CELF1: variants seen among roughly 807,000 people sequenced by gnomAD.
CELF1 encodes CUGBP Elav-like family member 1.
CELF1 carries 10 observed loss-of-function variants against 61.8 expected under a neutral mutation model. The observed-to-expected ratio is 0.16, with a 90% CI of 0.10 to 0.27. The LOEUF (loss-of-function observed/expected upper bound fraction) is 0.27. Ranked by LOEUF, CELF1 falls within the 10% of genes least tolerant of loss-of-function variation. The probability of loss-of-function intolerance (pLI) is 1.00; values close to 1 mark genes in which losing one functional copy is unlikely to be tolerated. For synonymous variants in CELF1, 236 were observed against 225.1 expected (o/e 1.05, Z -0.43); for missense variants, 380 against 639.1 (o/e 0.59, Z 4.37).
Position 47,489,021 on chromosome 11 carries a change from T to C in CELF1, c.75A>G (p.Ser25=), listed in dbSNP as rs1267094641. 5 of 1,574,146 alleles carry C rather than the reference T, an allele frequency of 3.2e-6. No homozygotes were observed. Among genetic ancestry groups the C allele is most frequent in the Non-Finnish European group, 4.3e-6 (5 of 1,166,614 alleles). ...GGTCCAGGGTGCCGTTCATTTTCTT[T>C]GAGCTGTGTGAGATAAAATGAAACT... ...DHCSLNSSPV[S]KKMNGTLDHP... The change falls in exon 4 of 15, where the codon TCA becomes TCG. Residue 25 remains serine, a synonymous_variant. Transcript: ENST00000687097.
chr11:47,521,635 T>C (rs2095893131), intron 1 of CELF1, among the ~76,000 whole-genome samples: 1 of 152,236 alleles, frequency 6.6e-6, no homozygotes, highest in Admixed American at 6.5e-5. Context: ...ATGTAAAGCA[T>C]TTAGAATAGT....
chr11:47,528,848 G>A (rs1237399642), intron 1 of CELF1, among the ~76,000 whole-genome samples: 3 of 151,174 alleles, frequency 2.0e-5, no homozygotes, highest in African/African-American at 4.9e-5. Context: ...CTATGATCAC[G>A]CCACTGCACT....
At chr11:47,486,653 C>CA in intron 6 of CELF1, 97 bp downstream of exon 6, 1 of 943,384 alleles carries the variant, frequency 1.1e-6, no homozygotes, top group Non-Finnish European at 1.7e-6. Context: ...AGCAATCCAT[C>CA]TGTCTTGGCC....
chr11:47,534,594 G>C (rs1181326604), intron 1 of CELF1, among the ~76,000 whole-genome samples: 1 of 151,960 alleles, frequency 6.6e-6, no homozygotes, highest in African/African-American at 2.4e-5. Flanking sequence ...CGGGCGTGGT[G>C]GTGGGCAACT....
At chr11:47,552,289 TACA>T (rs755013455) in intron 1 of CELF1, among the ~76,000 whole-genome samples, 53 of 152,282 alleles carry the variant, frequency 3.5e-4, no homozygotes, top group Middle Eastern at 3.4e-3. Context: ...CTCCAAGAAT[TACA>T]ACAACATCCT....
chr11:47,496,044 G>A, intron 3 of CELF1: 7 of 979,878 alleles, frequency 7.1e-6, no homozygotes, highest in Non-Finnish European at 8.5e-6. Context: ...ATACAGTGCT[G>A]TGGAAAAACT....
At position 47,467,577 on chromosome 11, in the gene CELF1, T is replaced by A. The variant is rs990927190; in HGVS notation, c.*4653A>T. ...CCAGCAGGTGAATTGCCGCTTGGTG[T>A]GCAGATGGCCTCCTACGGGTGATTG... is the stretch of plus-strand genomic sequence containing the variant. On this transcript the variant is annotated 3_prime_UTR_variant, in exon 15 of 15. Transcript: ENST00000687097. 4.6e-5 allele frequency: 7 copies of A among 152,412 alleles called. No homozygotes were observed. The allele number at this position is 152,412 out of a possible 1,614,324, so 9.4% of individuals were successfully genotyped here. A position where few individuals can be genotyped will look rare whatever the true frequency, so the allele number is the denominator to read the frequency against.
chr11:47,563,429 T>C (rs1249392639), intron 2 of CELF1, among the ~76,000 whole-genome samples: 3 of 152,160 alleles, frequency 2.0e-5, no homozygotes, highest in Non-Finnish European at 2.9e-5. Context: ...CTCATGCCTG[T>C]AATCCCAGCA....
intron 1 of CELF1, among the ~76,000 whole-genome samples, chr11:47,512,679 G>A (rs1341328415): frequency 1.3e-5 from 2 of 152,084 alleles, no homozygotes; most frequent in Admixed American, 6.6e-5. Context: ...ACAAATAATA[G>A]AAATAACTTG....
chr11:47,483,594 G>A (rs1270589103), intron 7 of CELF1, 62 bp from the exon 8 acceptor site: 1 of 1,238,644 alleles, frequency 8.1e-7, no homozygotes, highest in Admixed American at 1.7e-5. Flanking sequence ...CATTAACTGA[G>A]CACCTACTAT....
intron 1 of CELF1, among the ~76,000 whole-genome samples, chr11:47,547,958 T>C (rs772056892): frequency 1.5e-4 from 23 of 152,246 alleles, no homozygotes; most frequent in Admixed American, 6.5e-4. Context: ...ACAGTGATGA[T>C]TGCACAACAC....
intron 1 of CELF1, among the ~76,000 whole-genome samples, chr11:47,504,902 C>CAAAAAAAA (rs374401044): frequency 2.9e-3 from 314 of 107,858 alleles, no homozygotes; most frequent in African/African-American, 0.01. Flanking sequence ...ACTCTGTCAC[C>CAAAAAAAA]AAAAAAAAAA....
chr11:47,490,469 C>A (rs909288787), intron 3 of CELF1, among the ~76,000 whole-genome samples: 1 of 149,860 alleles, frequency 6.7e-6, no homozygotes, highest in Non-Finnish European at 1.5e-5. Context: ...TCTTATTGCC[C>A]AGGCTGGAGT....
upstream of CELF1, among the ~76,000 whole-genome samples, chr11:47,555,254 T>C (rs567832888): frequency 6.6e-6 from 1 of 152,380 alleles, no homozygotes; most frequent in East Asian, 1.9e-4. Flanking sequence ...CGTCTTATTA[T>C]ATCTCCAGTG....
intron 1 of CELF1, among the ~76,000 whole-genome samples, chr11:47,508,918 C>A (rs1353618651): frequency 6.6e-6 from 1 of 152,012 alleles, no homozygotes; most frequent in Non-Finnish European, 1.5e-5. Context: ...TACAGGCATG[C>A]GCCACCATGC....
intron 1 of CELF1, among the ~76,000 whole-genome samples, chr11:47,550,384 C>G (rs1434207394): frequency 6.6e-6 from 1 of 152,024 alleles, no homozygotes; most frequent in African/African-American, 2.4e-5. Context: ...TACAAAAACC[C>G]TCTGGGCGCA....
intron 1 of CELF1, among the ~76,000 whole-genome samples, chr11:47,517,816 C>T (rs2095642267): frequency 1.3e-5 from 2 of 152,132 alleles, no homozygotes; most frequent in South Asian, 4.1e-4. Context: ...CCAAACCCAG[C>T]TACTTTTTTG....
chr11:47,487,375 G>A (rs1192587153), intron 4 of CELF1, 134 bp from the exon 5 acceptor site: 3 of 612,710 alleles, frequency 4.9e-6, no homozygotes, highest in South Asian at 2.0e-5. Flanking sequence ...GGAGGGTAGT[G>A]GAAAAGAACG....
intron 7 of CELF1, 33 bp downstream of exon 7, chr11:47,484,356 C>A (rs1444323864): frequency 2.5e-6 from 4 of 1,585,634 alleles, no homozygotes; most frequent in Non-Finnish European, 3.4e-6. Context: ...AAACAAAAAA[C>A]CAAAAGATTA....
Sources: allele counts gnomAD v4.1 joint callset (sites outside exome capture counted in the v4.1 genomes callset), GRCh38; gene constraint gnomAD v4.1.1; transcripts MANE v1.5; gene names NCBI Gene and HGNC (gene_info 2026-07-23, HGNC 2026-07-21).